NAV2: variants seen among roughly 807,000 people sequenced by gnomAD.
The protein encoded by NAV2 is neuron navigator 2, also known as helicase, APC down-regulated 1.
Under a neutral mutation model 223.2 loss-of-function variants are expected in NAV2, and 54 were observed. The observed-to-expected ratio is 0.24, with a 90% CI of 0.19 to 0.30. NAV2 has a LOEUF of 0.30. Among genes scored for constraint, NAV2 ranks in the 10% least tolerant of loss-of-function variants. The pLI is 1.00. For missense variants in NAV2, 2,806 were observed against 3,147.5 expected, an observed-to-expected ratio of 0.89 and a Z score of 2.60; for synonymous variants, 1,279 against 1,239.3, an observed-to-expected ratio of 1.03 and a Z score of -0.67.
intron 1 of NAV2, among the ~76,000 whole-genome samples, chr11:19,571,838 C>G (rs1048340691): frequency 5.3e-5 from 8 of 152,224 alleles, no homozygotes; most frequent in Non-Finnish European, 8.8e-5. Flanking sequence ...GACTATATCC[C>G]CTTCCCACTG....
chr11:19,349,663 T>C (rs1188831894), upstream of NAV2, among the ~76,000 whole-genome samples: 2 of 152,114 alleles, frequency 1.3e-5, no homozygotes, highest in African/African-American at 4.8e-5. Flanking sequence ...ATGGTGCTGG[T>C]GTTGGGGGAG....
At chr11:19,449,230 G>T (rs1254100937) in intron 1 of NAV2, among the ~76,000 whole-genome samples, 1 of 152,062 alleles carries the variant, frequency 6.6e-6, no homozygotes, top group Non-Finnish European at 1.5e-5. Flanking sequence ...GGTCCACAGT[G>T]ATATAAGTGA....
intron 1 of NAV2, among the ~76,000 whole-genome samples, chr11:19,725,965 C>T (rs781611200): frequency 3.7e-4 from 57 of 152,214 alleles, no homozygotes; most frequent in Non-Finnish European, 7.3e-4. Flanking sequence ...GCTGGCTGGG[C>T]TGCCTTGGTG....
intron 1 of NAV2, among the ~76,000 whole-genome samples, chr11:19,510,543 T>G (rs879851210): frequency 6.6e-6 from 1 of 152,224 alleles, no homozygotes; most frequent in African/African-American, 2.4e-5. Context: ...TAAATATTTT[T>G]ATTCCAAATT....
chr11:19,785,948 T>C (rs892921850), intron 1 of NAV2, among the ~76,000 whole-genome samples: 1 of 152,168 alleles, frequency 6.6e-6, no homozygotes, highest in Non-Finnish European at 1.5e-5. Flanking sequence ...CCCAAGGTGC[T>C]TATCACTCAG....
chr11:19,777,072 C>T (rs1289481301), intron 1 of NAV2, among the ~76,000 whole-genome samples: 2 of 149,786 alleles, frequency 1.3e-5, no homozygotes, highest in Non-Finnish European at 3.0e-5. Flanking sequence ...AGCTAGGGGG[C>T]GGGGAACTCA....
intron 1 of NAV2, among the ~76,000 whole-genome samples, chr11:19,407,550 C>T (rs185151720): frequency 8.7e-4 from 133 of 152,242 alleles, no homozygotes; most frequent in Middle Eastern, 3.4e-3. Context: ...TTGACGTTCA[C>T]CAGTGGACAA....
chr11:19,841,939 CTG>C (rs898961575), intron 2 of NAV2, among the ~76,000 whole-genome samples: 1 of 152,156 alleles, frequency 6.6e-6, no homozygotes, highest in African/African-American at 2.4e-5. Flanking sequence ...GTAGTATTAA[CTG>C]TGTTTTATAG....
intron 1 of NAV2, among the ~76,000 whole-genome samples, chr11:19,696,379 A>G (rs930842856): frequency 1.2e-4 from 18 of 152,256 alleles, no homozygotes; most frequent in Admixed American, 6.5e-4. Context: ...AGAATCCTAG[A>G]GTAAATGTCC....
intron 1 of NAV2, among the ~76,000 whole-genome samples, chr11:19,783,681 C>A (rs987842900): frequency 4.6e-5 from 7 of 152,098 alleles, no homozygotes; most frequent in African/African-American, 1.7e-4. Context: ...ATCTGTGCAA[C>A]CTGGGGAGAA....
intron 1 of NAV2, chr11:19,507,185 C>T (rs2043146901): frequency 6.6e-6 from 1 of 152,186 alleles, no homozygotes; most frequent in Non-Finnish European, 1.5e-5. Flanking sequence ...CAAGTACATA[C>T]ATAATATAGC....
intron 1 of NAV2, among the ~76,000 whole-genome samples, chr11:19,445,675 G>T (rs1235135294): frequency 6.6e-6 from 1 of 151,888 alleles, no homozygotes; most frequent in Non-Finnish European, 1.5e-5. Flanking sequence ...TTAGGAGACT[G>T]ATACTTGCCC....
chr11:19,755,860 C>A (rs2054192231), intron 1 of NAV2, among the ~76,000 whole-genome samples: 1 of 152,190 alleles, frequency 6.6e-6, no homozygotes, highest in Non-Finnish European at 1.5e-5. Flanking sequence ...TAGGGACTTA[C>A]CTACAGGGCA....
In NAV2 at chr11:20,097,657, C is replaced by G; in HGVS notation, c.6093C>G (p.Ile2031Met). ...TTCTTGGCTACAGCATTGGAGAAATCAAGCGCAGCAACACTTCCGAAACAC... is the reference window on the plus strand; with the variant it reads ...TTCTTGGCTACAGCATTGGAGAAATGAAGCGCAGCAACACTTCCGAAACAC... ...DSVLGYSIGE[I>M]KRSNTSETPE... The change falls in exon 31 of 38, where the codon ATC (isoleucine) becomes ATG (methionine). Residue 2031 changes from isoleucine to methionine, a missense_variant. This residue lies in a region of NAV2 where 824 missense variants were observed against 1,069.4 expected (regional missense o/e 0.77). Transcript: ENST00000349880. The G allele has an allele frequency of 6.2e-7, 1 of 1,613,738 alleles. No individual in the cohort carries two copies.
At chr11:19,834,397 A>G (rs1482584828) in intron 2 of NAV2, among the ~76,000 whole-genome samples, 1 of 152,118 alleles carries the variant, frequency 6.6e-6, no homozygotes, top group East Asian at 1.9e-4. Context: ...CTGCTGTATT[A>G]TATTACTTTT....
At chr11:19,746,738 C>A (rs1261122372) in intron 1 of NAV2, among the ~76,000 whole-genome samples, 1 of 151,958 alleles carries the variant, frequency 6.6e-6, no homozygotes, top group Non-Finnish European at 1.5e-5. Flanking sequence ...CGTATTGCCC[C>A]ATCCACAGTG....
At chr11:19,972,412 C>T (rs2049327633) in intron 10 of NAV2, among the ~76,000 whole-genome samples, 1 of 152,178 alleles carries the variant, frequency 6.6e-6, no homozygotes, top group Admixed American at 6.5e-5. Context: ...TTTGCTTAAT[C>T]CTCTACCCTT....
chr11:19,739,753 A>T lies in NAV2; in HGVS notation c.267+25791A>T, dbSNP rs151314777. On this transcript the variant is annotated intron_variant, in intron 1 of 37. Transcript: ENST00000349880. ...AACCTCTCTTTTGCTGGAGTCAGTG[A>T]TGGAAACAGAGGAGACTGGTAGTGT... Among the ~76,000 whole-genome samples, 918 of 152,286 alleles carry T rather than the reference A, an allele frequency of 6.0e-3. 4 individuals carry two copies. Among genetic ancestry groups the T allele is most frequent in the Non-Finnish European group, 0.01 (691 of 68,026 alleles).
intron 1 of NAV2, among the ~76,000 whole-genome samples, chr11:19,545,209 C>A (rs956669842): frequency 7.9e-5 from 12 of 152,208 alleles, no homozygotes; most frequent in Non-Finnish European, 1.3e-4. Flanking sequence ...AAGCTGCTAC[C>A]CAGACCTAAC....
Sources: allele counts gnomAD v4.1 joint callset (sites outside exome capture counted in the v4.1 genomes callset), GRCh38; gene constraint gnomAD v4.1.1; regional missense constraint gnomAD v4.1.1; transcripts MANE v1.5; gene names NCBI Gene and HGNC (gene_info 2026-07-23, HGNC 2026-07-21).